Variants in SEM1 observed in about 807,000 individuals in gnomAD.
SEM1 encodes 26S proteasome complex subunit SEM1.
In SEM1, 3 loss-of-function variants were observed where a neutral mutation model predicts 12.7. The ratio of observed to expected loss-of-function variants is 0.24; its 90% confidence interval spans 0.11 to 0.61. The LOEUF is 0.61. Ranked by LOEUF, SEM1 falls within the 20% of genes least tolerant of loss-of-function variation. The pLI is 0.88. For synonymous variants in SEM1, 30 were observed against 27.8 expected, an observed-to-expected ratio of 1.08 and a Z score of -0.25; for missense variants, 59 against 81.3, an observed-to-expected ratio of 0.73 and a Z score of 1.06.
At chr7:96,590,508 C>T (rs1345699985) in intron 2 of SEM1, among the ~76,000 whole-genome samples, 2 of 152,098 alleles carry the variant, frequency 1.3e-5, no homozygotes, top group African/African-American at 2.4e-5. Flanking sequence ...CTTAAGGAAA[C>T]GTAATGATTA....
chr7:96,540,742 T>C (rs6963647), intron 2 of SEM1, among the ~76,000 whole-genome samples: 34,333 of 151,662 alleles, frequency 0.23, 4,365 homozygotes, highest in African/African-American at 0.35. Flanking sequence ...TAGTAGGTTT[T>C]CAACCCCCCA....
At chr7:96,520,721 A>G (rs1290831256) in intron 2 of SEM1, among the ~76,000 whole-genome samples, 1 of 152,146 alleles carries the variant, frequency 6.6e-6, no homozygotes, top group Non-Finnish European at 1.5e-5. Context: ...CTTTTGGAAC[A>G]GAAATAAAAG....
chr7:96,686,059 A>G (rs1397896894), downstream of SEM1, among the ~76,000 whole-genome samples: 2 of 152,000 alleles, frequency 1.3e-5, no homozygotes, highest in African/African-American at 4.8e-5. Context: ...AGCTGTTGCA[A>G]TCCTGGGCCC....
chr7:96,676,121 C>T (rs1266820051), intron 2 of SEM1, among the ~76,000 whole-genome samples: 1 of 152,140 alleles, frequency 6.6e-6, no homozygotes, highest in African/African-American at 2.4e-5. Flanking sequence ...GCTAAATTAT[C>T]CTGCAGTAAG....
chr7:96,520,340 G>T (rs533612632), intron 2 of SEM1, among the ~76,000 whole-genome samples: 35 of 152,162 alleles, frequency 2.3e-4, no homozygotes, highest in African/African-American at 8.2e-4. Flanking sequence ...GTAGAATTGG[G>T]GAATAACACC....
At chr7:96,609,681 A>T (rs1333421414) in intron 2 of SEM1, among the ~76,000 whole-genome samples, 2 of 152,224 alleles carry the variant, frequency 1.3e-5, no homozygotes, top group East Asian at 3.9e-4. Context: ...AAAGTAATTG[A>T]TACCTGAGGA....
chr7:96,621,445 G>GAGTA (rs1356147728), downstream of SEM1, among the ~76,000 whole-genome samples: 2 of 152,172 alleles, frequency 1.3e-5, no homozygotes, highest in Non-Finnish European at 2.9e-5. Flanking sequence ...AAGGATTGTA[G>GAGTA]AGTAGCCTGG....
chr7:96,608,802 T>C (rs1421354730), intron 2 of SEM1, among the ~76,000 whole-genome samples: 1 of 152,236 alleles, frequency 6.6e-6, no homozygotes, highest in Non-Finnish European at 1.5e-5. Flanking sequence ...ATATACTGCA[T>C]TTTGTTTATC....
intron 2 of SEM1, among the ~76,000 whole-genome samples, chr7:96,652,718 T>C (rs1397630673): frequency 1.3e-5 from 2 of 152,224 alleles, no homozygotes; most frequent in African/African-American, 2.4e-5. Context: ...GTACAGTTTT[T>C]CCCAATTTGT....
chr7:96,584,145 T>C (rs13225602), intron 2 of SEM1, among the ~76,000 whole-genome samples: 5,631 of 152,308 alleles, frequency 0.037, 150 homozygotes, highest in Middle Eastern at 0.075. Context: ...CTTCAGGAGC[T>C]CTTTTTGGGT....
At chr7:96,619,755 G>A (rs925687644), downstream of SEM1, among the ~76,000 whole-genome samples, 7 of 152,006 alleles carry the variant, frequency 4.6e-5, no homozygotes, top group Non-Finnish European at 2.9e-5. Flanking sequence ...AGCCTAGTCC[G>A]TAATCCCACA....
chr7:96,494,868 A>G (rs1480170125), intron 1 of SEM1, among the ~76,000 whole-genome samples: 1 of 130,824 alleles, frequency 7.6e-6, no homozygotes, highest in African/African-American at 2.9e-5. Flanking sequence ...AAAAACTCAG[A>G]GAGATAATGA....
downstream of SEM1, among the ~76,000 whole-genome samples, chr7:96,621,185 T>C (rs934348338): frequency 2.0e-5 from 3 of 152,224 alleles, no homozygotes; most frequent in Admixed American, 1.3e-4. Flanking sequence ...CCAGGAAAGC[T>C]TGAAATTTTG....
intron 1 of SEM1, among the ~76,000 whole-genome samples, chr7:96,707,447 T>G (rs1413405521): frequency 6.6e-6 from 1 of 152,132 alleles, no homozygotes; most frequent in East Asian, 1.9e-4. Context: ...GAAGAGAAAC[T>G]TGAACAAAAT....
chr7:96,633,266 A>G (rs989384195), intron 2 of SEM1, among the ~76,000 whole-genome samples: 4 of 152,156 alleles, frequency 2.6e-5, no homozygotes, highest in Non-Finnish European at 5.9e-5. Context: ...GCTTACAGGG[A>G]GAAAATATGA....
chr7:96,527,230 G>A (rs62471370), intron 2 of SEM1, among the ~76,000 whole-genome samples: 9,501 of 152,120 alleles, frequency 0.062, 456 homozygotes, highest in Non-Finnish European at 0.099. Context: ...AGCTAATAAC[G>A]TGTTCTTGCC....
chr7:96,525,867 T>A (rs1584737368), intron 2 of SEM1, among the ~76,000 whole-genome samples: 1 of 152,098 alleles, frequency 6.6e-6, no homozygotes, highest in East Asian at 1.9e-4. Flanking sequence ...TGCCTGATGA[T>A]CTGAGGTGGA....
chr7:96,490,264 C>T lies in SEM1; in HGVS notation c.13-3847G>A, dbSNP rs537999861. 1.5e-4 allele frequency among the ~76,000 whole-genome samples: 23 copies of T among 152,274 alleles called. 2 individuals carry two copies. In the South Asian group the frequency reaches 4.6e-3, roughly 30 times the overall value. On this transcript the variant is annotated intron_variant, in intron 1 of 3. Coordinates refer to the SEM1 transcript ENST00000356686. Reference sequence around the variant, plus strand: ...ATTCCAAGGACGTTGAAGTGTTTATCTGTATGACTATTCAACTCTAAATTA... The same window carrying T: ...ATTCCAAGGACGTTGAAGTGTTTATTTGTATGACTATTCAACTCTAAATTA...
intron 2 of SEM1, chr7:96,645,530 A>G (rs979898866): frequency 5.3e-6 from 2 of 376,262 alleles, no homozygotes; most frequent in Admixed American, 4.5e-5. Flanking sequence ...GTATGTTCCA[A>G]TAAAAGAGGA....
Sources: allele counts gnomAD v4.1 joint callset (sites outside exome capture counted in the v4.1 genomes callset), GRCh38; gene constraint gnomAD v4.1.1; transcripts MANE v1.5; gene names NCBI Gene and HGNC (gene_info 2026-07-23, HGNC 2026-07-21).